AMACR: variants seen among roughly 807,000 people sequenced by gnomAD.
AMACR encodes 2-methylacyl-CoA racemase.
AMACR carries 18 observed loss-of-function variants against 22.2 expected under a neutral mutation model. The ratio of observed to expected loss-of-function variants is 0.81; its 90% CI spans 0.56 to 1.20. AMACR has a LOEUF of 1.20. Ranked by LOEUF, AMACR falls within the 50% of genes most tolerant of loss-of-function variation. The probability of loss-of-function intolerance (pLI) is 0.00; values close to 1 mark genes in which losing one functional copy is unlikely to be tolerated. For missense variants in AMACR, 499 were observed against 490.6 expected, an observed-to-expected ratio of 1.02 and a Z score of -0.16; for synonymous variants, 213 against 191.3, an observed-to-expected ratio of 1.11 and a Z score of -0.94.
Position 33,987,940 on chromosome 5 carries a change from A to G in AMACR, c.*1153T>C, listed in dbSNP as rs1440924010. On this transcript the variant is annotated 3_prime_UTR_variant, in exon 5 of 5. Coordinates refer to ENST00000335606, the MANE Select transcript of AMACR (RefSeq NM_014324.6). ...CCATGAAAAAATCACTGAGGCGCTA[A>G]GGGAAACATGAACTAAGAAGCCCTT... The G allele has an allele frequency of 6.0e-6, 1 of 166,550 alleles. No individual in the cohort carries two copies. The highest frequency in any genetic ancestry group is 1.3e-5 in the Non-Finnish European group (1 of 77,922). 10.3% of individuals were successfully genotyped at this position (166,550 alleles called of 1,614,324 possible). A position where few individuals can be genotyped will look rare whatever the true frequency, so the allele number is the denominator to read the frequency against.
Position 33,986,885 on chromosome 5 carries a change from T to C in AMACR, c.*2208A>G, listed in dbSNP as rs1480762378. On this transcript the variant is annotated 3_prime_UTR_variant, in exon 5 of 5. Transcript: ENST00000335606. The stretch of plus-strand genomic sequence containing the variant: ...CTATCTTCTGGGCTTCTCTGCTCTT[T>C]CGTCACCAGTGGAATTCTTTATATT... The C allele has an allele frequency of 6.6e-6, 1 of 152,260 alleles. No individual in the cohort carries two copies. Among genetic ancestry groups the C allele is most frequent in the African/African-American group, 2.4e-5 (1 of 41,476 alleles). 9.4% of individuals were successfully genotyped at this position (152,260 alleles called of 1,614,324 possible). A position where few individuals can be genotyped will look rare whatever the true frequency, so the allele number is the denominator to read the frequency against.
Position 33,987,888 on chromosome 5 carries a change from G to A in AMACR, c.*1205C>T, listed in dbSNP as rs1215296051. 6.5e-6 allele frequency: 1 copy of A among 154,582 alleles called. No individual in the cohort carries two copies. The highest frequency in any genetic ancestry group is 6.5e-5 in the Admixed American group (1 of 15,354). The allele number at this position is 154,582 out of a possible 1,614,324, so 9.6% of individuals were successfully genotyped here. ...GACCTAATTATTTATAAATTGAATGGTTAGATATTTCTTTTGGCCTAAGCC... is the reference window on the plus strand; with the variant it reads ...GACCTAATTATTTATAAATTGAATGATTAGATATTTCTTTTGGCCTAAGCC... On this transcript the variant is annotated 3_prime_UTR_variant, in exon 5 of 5. Transcript: ENST00000335606.
chr5:33,992,640 G>A (rs1273823012), intron 4 of AMACR, among the ~76,000 whole-genome samples: 2 of 152,022 alleles, frequency 1.3e-5, no homozygotes, highest in Admixed American at 6.6e-5. Context: ...AGCCCAGGAG[G>A]TCAAGACTGC....
At chr5:34,000,985 G>A (rs1473663761) in intron 3 of AMACR, among the ~76,000 whole-genome samples, 1 of 152,142 alleles carries the variant, frequency 6.6e-6, no homozygotes, top group Non-Finnish European at 1.5e-5. Context: ...GGTCCACTCA[G>A]GACAAAAACA....
intron 3 of AMACR, among the ~76,000 whole-genome samples, 180 bp downstream of exon 3, chr5:34,004,394 T>G (rs1753905730): frequency 6.6e-6 from 1 of 152,308 alleles, no homozygotes; most frequent in Admixed American, 6.5e-5. Context: ...AAATATGACA[T>G]TCTAACAGAT....
intron 4 of AMACR, among the ~76,000 whole-genome samples, chr5:33,992,100 C>T (rs1249352638): frequency 6.6e-6 from 1 of 151,914 alleles, no homozygotes; most frequent in African/African-American, 2.4e-5. Flanking sequence ...GGGCTGGTCT[C>T]GAACTCCTGC....
At chr5:34,006,038 C>G in intron 1 of AMACR, 139 bp from the exon 2 acceptor site, 2 of 992,332 alleles carry the variant, frequency 2.0e-6, no homozygotes, top group Non-Finnish European at 3.0e-6. Context: ...ATGTTTACAG[C>G]AGTTAAGGAC....
Position 33,998,846 on chromosome 5 carries a change from C to T in AMACR, c.553-19G>A, listed in dbSNP as rs1341350432. On this transcript the variant is annotated intron_variant, in intron 3 of 4. Transcript: ENST00000335606. ...CTTCCACCTTTGAGAAAACAGAATACAAGACAAATCCAGATAACTCAAGTG... is the reference window on the plus strand; with the variant it reads ...CTTCCACCTTTGAGAAAACAGAATATAAGACAAATCCAGATAACTCAAGTG... The T allele has an allele frequency of 6.2e-7, 1 of 1,611,100 alleles. No homozygotes were observed. Among genetic ancestry groups the T allele is most frequent in the East Asian group, 2.2e-5 (1 of 44,872 alleles).
chr5:33,994,847 A>C (rs1579575238), intron 4 of AMACR, among the ~76,000 whole-genome samples: 1 of 152,098 alleles, frequency 6.6e-6, no homozygotes, highest in Non-Finnish European at 1.5e-5. Flanking sequence ...TGGAGCAATG[A>C]CCCTGCTAGA....
rs1561379750 is a variant in AMACR at position 33,989,161 on chromosome 5, G to A, written c.1081C>T (p.Arg361Cys). The A allele has an allele frequency of 2.5e-6, 4 of 1,613,952 alleles. No individual in the cohort carries two copies. The highest frequency in any genetic ancestry group is 1.6e-4 in the Middle Eastern group (1 of 6,084). The change falls in exon 5 of 5, where the codon CGC (arginine) becomes TGC (cysteine). Residue 361 changes from arginine (R) to cysteine (C), a missense_variant. By Grantham distance (180) the Arg-to-Cys change is radical. Transcript: ENST00000335606. The part of the protein sequence containing the change: ...EEILEEFGFS[R>C]EEIYQLNSDK... ...GAGTTAAGCTGATAAATCTCTTCGC[G>A]GCTGAATCCAAATTCTTCAAGTATC...
chr5:33,986,845 A>G lies in AMACR; in HGVS notation c.*2248T>C, dbSNP rs903392723. 24 of 152,218 alleles carry G rather than the reference A, an allele frequency of 1.6e-4. No homozygotes were observed. The highest frequency in any genetic ancestry group is 5.5e-4 in the African/African-American group (23 of 41,518). The allele number at this position is 152,218 out of a possible 1,614,324, so 9.4% of individuals were successfully genotyped here. A position where few individuals can be genotyped will look rare whatever the true frequency, so the allele number is the denominator to read the frequency against. On this transcript the variant is annotated 3_prime_UTR_variant, in exon 5 of 5. Transcript: ENST00000335606. The stretch of plus-strand genomic sequence containing the variant: ...GTCTTGGCTTCCTAGTTATGTTCCT[A>G]TCAGGGTTGCCTCACTATCTTCTGG...
intron 3 of AMACR, 116 bp downstream of exon 3, chr5:34,004,458 G>C: frequency 7.4e-7 from 1 of 1,347,834 alleles, no homozygotes; most frequent in African/African-American, 1.4e-5. Flanking sequence ...TGGTAACCTG[G>C]CTTGAAACTT....
In AMACR at chr5:34,005,858, G is replaced by A. The variant is rs757072374; in HGVS notation, c.289C>T (p.Arg97Trp). ...KLQLGPEILQRENPRLIYARL... is the reference protein window; with the variant it reads ...KLQLGPEILQWENPRLIYARL... Reference sequence around the variant, plus strand: ...GCATAAATAAGCCTTGGATTTTCCCGCTGCAGAATCTCTGGGCCCAGCTGG... The same window carrying A: ...GCATAAATAAGCCTTGGATTTTCCCACTGCAGAATCTCTGGGCCCAGCTGG... Residue 97 changes from arginine (R) to tryptophan (W), a missense_variant, in exon 2 of 5, where the codon CGG (arginine) becomes TGG (tryptophan). Arg to Trp is a moderately radical substitution (Grantham distance 101, BLOSUM62 -3). Transcript: ENST00000335606. 3.3e-5 allele frequency: 54 copies of A among 1,613,944 alleles called. No homozygotes were observed. Among genetic ancestry groups the A allele is most frequent in the Admixed American group, 6.7e-5 (4 of 59,994 alleles).
At position 33,987,738 on chromosome 5, in the gene AMACR, A is replaced by C. The variant is rs906745126; in HGVS notation, c.*1355T>G. The C allele has an allele frequency of 1.3e-5, 2 of 152,276 alleles. No homozygotes were observed. Among genetic ancestry groups the C allele is most frequent in the Non-Finnish European group, 2.9e-5 (2 of 68,056 alleles). 9.4% of individuals were successfully genotyped at this position (152,276 alleles called of 1,614,324 possible). A position where few individuals can be genotyped will look rare whatever the true frequency, so the allele number is the denominator to read the frequency against. On this transcript the variant is annotated 3_prime_UTR_variant, in exon 5 of 5. Transcript: ENST00000335606. The stretch of plus-strand genomic sequence containing the variant: ...TGCACAGTGTCCAATAGGTGCATAC[A>C]TCTCCTTAGTAAGTAGTTGTGATTA...
At chr5:34,006,922 G>C (rs1004244469) in intron 1 of AMACR, among the ~76,000 whole-genome samples, 4 of 152,214 alleles carry the variant, frequency 2.6e-5, no homozygotes, top group Non-Finnish European at 5.9e-5. Context: ...CCAAACACCA[G>C]TTTTTAAAAG....
At chr5:34,006,101 A>C (rs1753968752) in intron 1 of AMACR, among the ~76,000 whole-genome samples, 1 of 152,200 alleles carries the variant, frequency 6.6e-6, no homozygotes, top group Non-Finnish European at 1.5e-5. Context: ...CCAGGATGTA[A>C]TTTCTCCCAG....
intron 4 of AMACR, among the ~76,000 whole-genome samples, chr5:33,993,157 T>C (rs937044264): frequency 6.6e-6 from 1 of 152,246 alleles, no homozygotes; most frequent in African/African-American, 2.4e-5. Context: ...AGACATTTCA[T>C]GTAGTAGAAT....
chr5:33,998,562 T>A, intron 4 of AMACR, 79 bp downstream of exon 4: 1 of 1,452,620 alleles, frequency 6.9e-7, no homozygotes, highest in Non-Finnish European at 9.3e-7. Flanking sequence ...ACATCCTAGA[T>A]GCCAAAAGTC....
chr5:34,007,735 G>T, intron 1 of AMACR, 38 bp downstream of exon 1: 1 of 1,520,136 alleles, frequency 6.6e-7, no homozygotes, highest in Non-Finnish European at 8.8e-7. Flanking sequence ...CCCCTCCGCG[G>T]GAACTTCCCG....
Sources: allele counts gnomAD v4.1 joint callset (sites outside exome capture counted in the v4.1 genomes callset), GRCh38; gene constraint gnomAD v4.1.1; transcripts MANE v1.5; gene names NCBI Gene and HGNC (gene_info 2026-07-23, HGNC 2026-07-21).